Variants in SH3KBP1 observed in about 807,000 individuals in gnomAD.
SH3KBP1 encodes the protein SH3 domain containing kinase binding protein 1.
A neutral mutation model predicts 50.1 loss-of-function variants in SH3KBP1; 8 were observed. The ratio of observed to expected loss-of-function variants is 0.16; its 90% CI spans 0.09 to 0.29. The LOEUF is 0.29. Among genes scored for constraint, SH3KBP1 ranks in the 10% least tolerant of loss-of-function variants. SH3KBP1 has a pLI of 1.00. For synonymous variants in SH3KBP1, 227 were observed against 218.6 expected, an observed-to-expected ratio of 1.04 and a Z score of -0.34; for missense variants, 377 against 535.2, an observed-to-expected ratio of 0.70 and a Z score of 2.92.
At chrX:19,856,222 C>G (rs2068639615) in intron 1 of SH3KBP1, among the ~76,000 whole-genome samples, 1 of 111,747 alleles carries the variant, frequency 8.9e-6, no homozygotes, top group African/African-American at 3.3e-5. Context: ...GAGTGGGTTA[C>G]TGACAGTTTC....
In SH3KBP1 at chrX:19,536,397, A is replaced by G. The variant is rs368181893; in HGVS notation, c.*20T>C. On this transcript the variant is annotated 3_prime_UTR_variant, in exon 18 of 18. Transcript: ENST00000397821. ...TCTCGGACTCAGGATGAATAATGTGACATTTCATTGATCAAGTATTCATTT... is the reference window on the plus strand; with the variant it reads ...TCTCGGACTCAGGATGAATAATGTGGCATTTCATTGATCAAGTATTCATTT... The G allele has an allele frequency of 1.3e-5, 14 of 1,085,143 alleles. No homozygotes were observed. Among genetic ancestry groups the G allele is most frequent in the Non-Finnish European group, 1.8e-5 (14 of 792,558 alleles). The allele number at this position is 1,085,143 out of a possible 1,213,427, so 89.4% of individuals were successfully genotyped here.
intron 2 of SH3KBP1, among the ~76,000 whole-genome samples, chrX:19,751,304 T>G (rs1293049371): frequency 3.6e-5 from 4 of 111,189 alleles, no homozygotes; most frequent in Non-Finnish European, 5.7e-5. Context: ...GACTCTGGAT[T>G]TCCTGGGACT....
At position 19,746,546 on chromosome X, in the gene SH3KBP1, C is replaced by T. The variant is rs192012732; in HGVS notation, c.163-105G>A. The T allele has an allele frequency of 1.8e-3, 1,298 of 739,371 alleles. 1 individual carries two copies. The highest frequency in any genetic ancestry group is 2.4e-3 in the Non-Finnish European group (1,190 of 504,570). 60.9% of individuals were successfully genotyped at this position (739,371 alleles called of 1,213,427 possible). On this transcript the variant is annotated intron_variant, in intron 2 of 17. Coordinates refer to ENST00000397821, the MANE Select transcript of SH3KBP1 (RefSeq NM_031892.3). ...TTCTGGAAATGAACTATAGCAATGC[C>T]AACTTAGCATAACATCATGTTTTAA... is the stretch of plus-strand genomic sequence containing the variant.
chrX:19,737,325 C>G (rs1457570953), intron 3 of SH3KBP1, among the ~76,000 whole-genome samples: 3 of 111,342 alleles, frequency 2.7e-5, no homozygotes, highest in Non-Finnish European at 5.7e-5. Flanking sequence ...CTTTTCAATT[C>G]CCTGGGCAGA....
At chrX:19,578,563 G>C (rs959925176) in intron 12 of SH3KBP1, among the ~76,000 whole-genome samples, 1 of 111,962 alleles carries the variant, frequency 8.9e-6, no homozygotes, top group Non-Finnish European at 1.9e-5. Flanking sequence ...TAGTTGATTG[G>C]TGGCAGAGCT....
At chrX:19,836,391 CA>C (rs1470338742) in intron 1 of SH3KBP1, 109 bp from the exon 2 acceptor site, 12 of 692,945 alleles carry the variant, frequency 1.7e-5, no homozygotes, top group Non-Finnish European at 2.6e-5. Flanking sequence ...TTCCCCTCTA[CA>C]AATATTCAAA....
chrX:19,833,759 T>A (rs747345540), intron 2 of SH3KBP1, among the ~76,000 whole-genome samples: 11 of 111,854 alleles, frequency 9.8e-5, no homozygotes, highest in Non-Finnish European at 2.1e-4. Context: ...TCCCCTTCTG[T>A]CATTCCTTCT....
At chrX:19,863,952 C>T (rs1251883394) in intron 1 of SH3KBP1, among the ~76,000 whole-genome samples, 2 of 111,433 alleles carry the variant, frequency 1.8e-5, no homozygotes, top group Admixed American at 9.5e-5. Flanking sequence ...GGGGCAGACT[C>T]GTCTATCATT....
At chrX:19,655,661 C>T (rs2062257315) in intron 6 of SH3KBP1, among the ~76,000 whole-genome samples, 1 of 110,473 alleles carries the variant, frequency 9.1e-6, no homozygotes, top group Non-Finnish European at 1.9e-5. Context: ...ACTTGGGACT[C>T]CAAAAGTGGG....
chrX:19,749,696 G>A (rs1005885253), intron 2 of SH3KBP1, among the ~76,000 whole-genome samples: 11 of 112,685 alleles, frequency 9.8e-5, no homozygotes, highest in African/African-American at 3.5e-4. Flanking sequence ...GATAGTTAAA[G>A]GGTTCTCTCA....
chrX:19,668,960 ATATATATATATATATT>A (rs1323803293), intron 6 of SH3KBP1, among the ~76,000 whole-genome samples: 1 of 48,903 alleles, frequency 2.0e-5, no homozygotes, highest in African/African-American at 1.6e-4. Context: ...ATATATATAT[ATATATATATATATATT>A]TTTTGAGACA....
intron 9 of SH3KBP1, among the ~76,000 whole-genome samples, chrX:19,596,549 ACTTT>A (rs1466231154): frequency 2.7e-5 from 3 of 111,532 alleles, no homozygotes; most frequent in African/African-American, 9.8e-5. Context: ...ATATTGATTG[ACTTT>A]CTTTCGTGAA....
At chrX:19,670,952 C>CGGA in intron 6 of SH3KBP1, 1 of 1,130,834 alleles carries the variant, frequency 8.8e-7, no homozygotes. Context: ...TCCAACAGCA[C>CGGA]GGAGCCTGAG....
intron 7 of SH3KBP1, among the ~76,000 whole-genome samples, chrX:19,635,443 A>G (rs1012809235): frequency 3.7e-5 from 4 of 108,615 alleles, no homozygotes; most frequent in Non-Finnish European, 7.6e-5. Flanking sequence ...AGGGGAGGGA[A>G]CTTAGAGGAT....
At chrX:19,691,396 TA>T (rs2063290670) in intron 5 of SH3KBP1, among the ~76,000 whole-genome samples, 1 of 103,137 alleles carries the variant, frequency 9.7e-6, no homozygotes, top group Admixed American at 1.1e-4. Context: ...TATATATATA[TA>T]TATTTTCAGG....
intron 6 of SH3KBP1, chrX:19,671,127 C>T: frequency 1.6e-6 from 1 of 633,569 alleles, no homozygotes. Flanking sequence ...TGGGCTCCCT[C>T]CTGGGGCCCC....
intron 10 of SH3KBP1, among the ~76,000 whole-genome samples, chrX:19,594,551 T>C (rs2066840083): frequency 8.9e-6 from 1 of 112,249 alleles, no homozygotes. Flanking sequence ...ACAACAATGC[T>C]ATGACCTGTG....
intron 6 of SH3KBP1, among the ~76,000 whole-genome samples, chrX:19,675,527 T>C (rs5955833): frequency 0.27 from 29,472 of 109,279 alleles, 4,526 homozygotes; most frequent in African/African-American, 0.58. Flanking sequence ...GCCTCAGGCT[T>C]CCAAGTAGCT....
At chrX:19,608,293 CCTTT>C (rs888017137) in intron 8 of SH3KBP1, among the ~76,000 whole-genome samples, 1 of 106,914 alleles carries the variant, frequency 9.4e-6, no homozygotes, top group Non-Finnish European at 1.9e-5. Context: ...TCTTCTTTTA[CCTTT>C]CTTTCTTTCT....
Sources: gnomAD v4.1 joint callset for allele counts (sites outside exome capture counted in the v4.1 genomes callset) on GRCh38, gnomAD v4.1.1 for gene constraint, MANE v1.5 for transcripts, NCBI Gene and HGNC (gene_info 2026-07-23, HGNC 2026-07-21) for gene names.